The following TEN1 variants were observed in gnomAD, a reference collection of about 807,000 sequenced individuals.
TEN1 encodes CST complex subunit TEN1.
TEN1 carries 6 observed loss-of-function variants against 9.3 expected under a neutral mutation model. That is an observed-to-expected ratio of 0.65 (90% CI 0.35 to 1.27). The LOEUF (loss-of-function observed/expected upper bound fraction) is 1.27. Ranked by LOEUF, TEN1 falls within the 50% of genes most tolerant of loss-of-function variation. The pLI is 0.03. For missense variants in TEN1, 149 were observed against 158.2 expected (o/e 0.94, Z 0.31); for synonymous variants, 65 against 65.6 (o/e 0.99, Z 0.04).
chr17:75,992,736 TCTC>T (rs1423814316), intron 3 of TEN1, among the ~76,000 whole-genome samples: 1 of 150,376 alleles, frequency 6.6e-6, no homozygotes, highest in Non-Finnish European at 1.5e-5. Context: ...ATGGTCTTGA[TCTC>T]CTGACCTTGT....
At chr17:75,991,936 A>G (rs1330823101) in intron 3 of TEN1, among the ~76,000 whole-genome samples, 6 of 151,462 alleles carry the variant, frequency 4.0e-5, no homozygotes, top group Non-Finnish European at 8.8e-5. Flanking sequence ...AGTCCCAGCT[A>G]CTCAGGAGAC....
rs1461972775 is a variant in TEN1, at chr17:75,991,634, G to T, written c.250+11G>T. ...TCCAGCATCAGCAGGGTGAGCTGCA[G>T]CCTCAGATCCCCTTTCTCATCCTGG... On this transcript the variant is annotated intron_variant, in intron 3 of 3. Coordinates refer to ENST00000397640, the MANE Select transcript of TEN1 (RefSeq NM_001113324.3). The T allele has an allele frequency of 2.6e-6, 4 of 1,550,026 alleles. No homozygotes were observed. In the East Asian group the frequency reaches 9.8e-5, roughly 38 times the overall value.
intron 3 of TEN1, among the ~76,000 whole-genome samples, chr17:75,992,802 G>GT (rs557899982): frequency 0.23 from 28,675 of 122,032 alleles, 3,381 homozygotes; most frequent in Middle Eastern, 0.29. Flanking sequence ...GTGAGCCACC[G>GT]TTTTTTTTTT....
chr17:76,000,191 A>C lies in TEN1; in HGVS notation c.301A>C (p.Asn101His). 6.4e-7 allele frequency: 1 copy of C among 1,551,502 alleles called. No homozygotes were observed. Among genetic ancestry groups the C allele is most frequent in the African/African-American group, 1.4e-5 (1 of 73,148 alleles). ...CGTGCTGACCTGTGTGGAGGGGATG[A>C]ACCTGCCCTTGTTGGAACAAGCCAT... is the stretch of plus-strand genomic sequence containing the variant. ...ARVLTCVEGM[N>H]LPLLEQAIRE... The change falls in exon 4 of 4, where the codon AAC becomes CAC. Residue 101 changes from asparagine to histidine, a missense_variant. Coordinates refer to ENST00000397640, the MANE Select transcript of TEN1 (RefSeq NM_001113324.3). The surrounding 1 kb of genome is among the most constrained non-coding windows in gnomAD (Gnocchi z 5.9).
chr17:75,992,330 A>G (rs963119527), intron 3 of TEN1, among the ~76,000 whole-genome samples: 1 of 151,432 alleles, frequency 6.6e-6, no homozygotes, highest in African/African-American at 2.4e-5. Context: ...TCCTGGGCTC[A>G]TGAGGCTCCC....
Position 75,979,444 on chromosome 17 carries a change from C to T in TEN1, c.-74C>T. The T allele has an allele frequency of 2.7e-6, 1 of 371,102 alleles. No individual in the cohort carries two copies. Among genetic ancestry groups the T allele is most frequent in the African/African-American group, 2.1e-5 (1 of 47,238 alleles). The allele number at this position is 371,102 out of a possible 1,614,324, so 23.0% of individuals were successfully genotyped here. ...AAATAAAGCACTTTTTGTATCCCGC[C>T]CCTCCCCCGTCACGTGACCACGCGA... is the stretch of plus-strand genomic sequence containing the variant. On this transcript the variant is annotated 5_prime_UTR_variant, in exon 1 of 4. Coordinates refer to ENST00000397640, the MANE Select transcript of TEN1 (RefSeq NM_001113324.3).
At chr17:75,995,462 G>A (rs1484994249) in intron 3 of TEN1, among the ~76,000 whole-genome samples, 1 of 152,202 alleles carries the variant, frequency 6.6e-6, no homozygotes, top group Non-Finnish European at 1.5e-5. Context: ...ATCCTGCCCT[G>A]TGGCCAGACT....
At chr17:75,992,395 A>C (rs1419575621) in intron 3 of TEN1, among the ~76,000 whole-genome samples, 3 of 151,604 alleles carry the variant, frequency 2.0e-5, no homozygotes, top group African/African-American at 7.3e-5. Flanking sequence ...CACCTGGCTA[A>C]TTTTAAAATT....
intron 2 of TEN1, 148 bp from the exon 3 acceptor site, chr17:75,991,318 T>A: frequency 3.8e-6 from 3 of 796,506 alleles, no homozygotes; most frequent in Non-Finnish European, 6.1e-6. Flanking sequence ...CTGAAACATT[T>A]TTTTCTGGTT....
intron 1 of TEN1, among the ~76,000 whole-genome samples, chr17:75,982,694 C>A (rs1226373595): frequency 6.7e-6 from 1 of 148,456 alleles, no homozygotes; most frequent in African/African-American, 2.5e-5. Flanking sequence ...AAGCATTGAT[C>A]ATAGTTTTAT....
chr17:75,982,665 G>A (rs1008432855), intron 1 of TEN1, among the ~76,000 whole-genome samples: 1 of 152,084 alleles, frequency 6.6e-6, no homozygotes, highest in Non-Finnish European at 1.5e-5. Flanking sequence ...GTTCACTGCA[G>A]CCTCAAACTC....
At chr17:75,993,108 C>CTTTT in intron 3 of TEN1, among the ~76,000 whole-genome samples, 2 of 128,486 alleles carry the variant, frequency 1.6e-5, no homozygotes, top group East Asian at 2.3e-4. Flanking sequence ...AAAGTTATTT[C>CTTTT]TTTTTTTTTT....
intron 3 of TEN1, among the ~76,000 whole-genome samples, chr17:75,995,176 G>A (rs2066211396): frequency 6.7e-6 from 1 of 150,142 alleles, no homozygotes; most frequent in South Asian, 2.1e-4. Context: ...AGCCAAGATT[G>A]CTCTACTGCA....
rs1397514974 is a variant in TEN1, at chr17:75,990,548, A to T, written c.93-918A>T. On this transcript the variant is annotated intron_variant, in intron 2 of 3. Coordinates refer to ENST00000397640, the MANE Select transcript of TEN1 (RefSeq NM_001113324.3). ...TTTGTAGCCCATATTGAAAAAAAAA[A>T]GATGGCCAGGCACAGTGGCTCATGA... Among the ~76,000 whole-genome samples the T allele has an allele frequency of 2.6e-5, 4 of 151,532 alleles. No homozygotes were observed. In the South Asian group the frequency reaches 8.3e-4, roughly 32 times the overall value.
At chr17:75,980,545 A>G (rs1465224662) in intron 1 of TEN1, among the ~76,000 whole-genome samples, 4 of 151,304 alleles carry the variant, frequency 2.6e-5, no homozygotes, top group Non-Finnish European at 5.9e-5. Flanking sequence ...CTCCTATCTC[A>G]GCCTCCCGAG....
At position 75,986,231 on chromosome 17, in the gene TEN1, G is replaced by T. The variant is rs2066151344; in HGVS notation, c.39G>T (p.Trp13Cys). ...LPKPGTYYLP[W>C]EVSAGQVPDG... ...AACCTGGGACCTATTACCTCCCCTG[G>T]GAGGTTAGTGCAGGCCAAGTTCCTG... Residue 13 changes from tryptophan (W) to cysteine (C), a missense_variant, in exon 2 of 4, where the codon TGG becomes TGT. Physicochemically the swap from Trp to Cys is radical, Grantham distance 215 (BLOSUM62 -2). Transcript: ENST00000397640. 1 of 1,549,844 alleles carries T rather than the reference G, an allele frequency of 6.5e-7. No homozygotes were observed. The highest frequency in any genetic ancestry group is 1.4e-5 in the African/African-American group (1 of 72,944).
rs2066128247 is a variant in TEN1, at chr17:75,982,631, C to T, written c.-7+3120C>T. On this transcript the variant is annotated intron_variant, in intron 1 of 3. Coordinates refer to ENST00000397640, the MANE Select transcript of TEN1 (RefSeq NM_001113324.3). ...ACAAGGCCTTGCTCTGTCACCCAGA[C>T]TAGAATGCAGTGGCGCAACCATAGT... 2.0e-5 allele frequency among the ~76,000 whole-genome samples: 3 copies of T among 152,170 alleles called. No individual in the cohort carries two copies. In the South Asian group the frequency reaches 6.2e-4, roughly 31 times the overall value.
chr17:75,985,229 C>T (rs2066144647), intron 1 of TEN1, among the ~76,000 whole-genome samples: 1 of 152,152 alleles, frequency 6.6e-6, no homozygotes, highest in South Asian at 2.1e-4. Context: ...CTCACTGCAG[C>T]TTCAACCTCC....
Position 76,000,464 on chromosome 17 carries a change from G to A in TEN1, c.*202G>A, listed in dbSNP as rs62624498. 17,610 of 798,716 alleles carry A rather than the reference G, an allele frequency of 0.022. 271 individuals are homozygous for A. The highest frequency in any genetic ancestry group is 0.035 in the Middle Eastern group (90 of 2,560). 49.5% of individuals were successfully genotyped at this position (798,716 alleles called of 1,614,324 possible). A position where few individuals can be genotyped will look rare whatever the true frequency, so the allele number is the denominator to read the frequency against. On this transcript the variant is annotated 3_prime_UTR_variant, in exon 4 of 4. Coordinates refer to ENST00000397640, the MANE Select transcript of TEN1 (RefSeq NM_001113324.3). This position sits in a 1 kb window ranked among gnomAD's most constrained non-coding sequence, Gnocchi z 5.9. ...AACCCAGAAAGCATGCCATAAATCCGACAGCCCCACCCCAGGAGACTGCAG... is the reference window on the plus strand; with the variant it reads ...AACCCAGAAAGCATGCCATAAATCCAACAGCCCCACCCCAGGAGACTGCAG...
Sources: allele counts gnomAD v4.1 joint callset (sites outside exome capture counted in the v4.1 genomes callset), GRCh38; gene constraint gnomAD v4.1.1; non-coding constraint Gnocchi (gnomAD v3.1); transcripts MANE v1.5; gene names NCBI Gene and HGNC (gene_info 2026-07-23, HGNC 2026-07-21).